Variants in PRKG1 observed in about 807,000 individuals in gnomAD.
PRKG1 encodes the protein cGMP-dependent protein kinase 1.
In PRKG1, 35 loss-of-function variants were observed where a neutral mutation model predicts 88.1. The ratio of observed to expected loss-of-function variants is 0.40; its 90% CI spans 0.30 to 0.53. The LOEUF is 0.53. Ranked by LOEUF, PRKG1 falls within the 20% of genes least tolerant of loss-of-function variation. The pLI, the probability that PRKG1 is intolerant of heterozygous loss-of-function variation, is 0.59. For missense variants in PRKG1, 540 were observed against 839.8 expected, an observed-to-expected ratio of 0.64 and a Z score of 4.41; for synonymous variants, 303 against 292.5, an observed-to-expected ratio of 1.04 and a Z score of -0.37.
intron 2 of PRKG1, among the ~76,000 whole-genome samples, chr10:51,356,162 A>C (rs1842361768): frequency 6.6e-6 from 1 of 151,470 alleles, no homozygotes; most frequent in Non-Finnish European, 1.5e-5. Context: ...GATCACTGTA[A>C]AGGAAAACAG....
chr10:51,140,639 T>G (rs1564615486), intron 1 of PRKG1, among the ~76,000 whole-genome samples: 1 of 152,198 alleles, frequency 6.6e-6, no homozygotes, highest in Non-Finnish European at 1.5e-5. Flanking sequence ...AAGGCTGTCT[T>G]CTGTGTAGCT....
At chr10:51,703,156 T>C (rs1841515348) in intron 3 of PRKG1, among the ~76,000 whole-genome samples, 1 of 152,198 alleles carries the variant, frequency 6.6e-6, no homozygotes, top group Admixed American at 6.5e-5. Flanking sequence ...TTGGCAAAAA[T>C]ATCATGCTTA....
intron 2 of PRKG1, among the ~76,000 whole-genome samples, chr10:51,221,772 A>G (rs965503513): frequency 6.6e-6 from 1 of 152,100 alleles, no homozygotes; most frequent in Non-Finnish European, 1.5e-5. Context: ...ATCTAGTCCA[A>G]CCAGCAGTGC....
chr10:51,318,870 C>T (rs1841386008), intron 2 of PRKG1, among the ~76,000 whole-genome samples: 3 of 152,164 alleles, frequency 2.0e-5, no homozygotes, highest in Admixed American at 6.5e-5. Context: ...TTCTTCCCTT[C>T]ATTTTGTTGA....
chr10:52,184,312 T>C (rs1490502481), intron 9 of PRKG1, among the ~76,000 whole-genome samples: 1 of 152,214 alleles, frequency 6.6e-6, no homozygotes, highest in East Asian at 1.9e-4. Context: ...CCTATGATTT[T>C]ATAAGTAATT....
intron 4 of PRKG1, among the ~76,000 whole-genome samples, chr10:51,873,018 T>C (rs1162462853): frequency 6.6e-6 from 1 of 152,172 alleles, no homozygotes; most frequent in Non-Finnish European, 1.5e-5. Flanking sequence ...ATCTGCACCA[T>C]TTGTTTTAGG....
At chr10:51,726,981 A>G (rs1842148071) in intron 3 of PRKG1, among the ~76,000 whole-genome samples, 1 of 151,794 alleles carries the variant, frequency 6.6e-6, no homozygotes, top group Non-Finnish European at 1.5e-5. Context: ...GGGTTTCACC[A>G]TATTAGCCAA....
At chr10:52,163,117 T>C (rs1000407904) in intron 9 of PRKG1, among the ~76,000 whole-genome samples, 1 of 142,358 alleles carries the variant, frequency 7.0e-6, no homozygotes, top group Non-Finnish European at 1.5e-5. Context: ...GTTTTTAAAG[T>C]TGTACAATGG....
At chr10:51,104,017 T>C (rs561422637) in intron 1 of PRKG1, among the ~76,000 whole-genome samples, 86 of 152,324 alleles carry the variant, frequency 5.6e-4, no homozygotes, top group African/African-American at 2.0e-3. Flanking sequence ...TCACCACATT[T>C]GATATTTCAT....
intron 9 of PRKG1, among the ~76,000 whole-genome samples, chr10:52,192,583 T>A (rs571325138): frequency 6.6e-6 from 1 of 152,074 alleles, no homozygotes; most frequent in African/African-American, 2.4e-5. Context: ...TTTCCACCTA[T>A]GTTCATAAAG....
intron 5 of PRKG1, among the ~76,000 whole-genome samples, chr10:51,923,171 T>G (rs1219172796): frequency 6.6e-6 from 1 of 152,066 alleles, no homozygotes; most frequent in Admixed American, 6.6e-5. Flanking sequence ...TGATAACTTT[T>G]CTTGCTGTGA....
At chr10:51,165,023 A>G (rs1023688780) in intron 2 of PRKG1, among the ~76,000 whole-genome samples, 28 of 152,312 alleles carry the variant, frequency 1.8e-4, no homozygotes, top group Non-Finnish European at 2.1e-4. Context: ...GCAGGCCAAC[A>G]TTCAGATTCA....
At chr10:51,045,559 C>T (rs1232636854) in intron 1 of PRKG1, among the ~76,000 whole-genome samples, 1 of 152,160 alleles carries the variant, frequency 6.6e-6, no homozygotes, top group Non-Finnish European at 1.5e-5. Flanking sequence ...CTCTTGACCT[C>T]TGGTGATCCG....
chr10:52,207,683 C>A (rs545350425), intron 9 of PRKG1, among the ~76,000 whole-genome samples: 1 of 152,282 alleles, frequency 6.6e-6, no homozygotes, highest in South Asian at 2.1e-4. Context: ...TGTGGGATCT[C>A]CTGCAGCTGA....
intron 4 of PRKG1, among the ~76,000 whole-genome samples, chr10:51,899,314 A>G (rs1458843507): frequency 6.6e-6 from 1 of 152,124 alleles, no homozygotes; most frequent in Non-Finnish European, 1.5e-5. Flanking sequence ...TAAACATATT[A>G]TATTGTAACA....
intron 7 of PRKG1, among the ~76,000 whole-genome samples, chr10:52,093,787 A>G (rs1362448333): frequency 6.6e-6 from 1 of 152,146 alleles, no homozygotes; most frequent in Non-Finnish European, 1.5e-5. Flanking sequence ...AAGAAACCCA[A>G]CTGTTATATA....
At chr10:51,947,960 A>G (rs1316335942) in intron 5 of PRKG1, among the ~76,000 whole-genome samples, 1 of 152,238 alleles carries the variant, frequency 6.6e-6, no homozygotes, top group Non-Finnish European at 1.5e-5. Flanking sequence ...GGACACCGTC[A>G]TTAATAAATT....
chr10:51,188,357 T>C (rs1380319791), intron 2 of PRKG1, among the ~76,000 whole-genome samples: 1 of 151,994 alleles, frequency 6.6e-6, no homozygotes, highest in Non-Finnish European at 1.5e-5. Context: ...TATACCACAA[T>C]TATAGGCTAC....
At chr10:52,279,278 T>C (rs147099517) in intron 12 of PRKG1, among the ~76,000 whole-genome samples, 13 of 152,304 alleles carry the variant, frequency 8.5e-5, no homozygotes, top group South Asian at 8.3e-4. Flanking sequence ...ATCATTTGTT[T>C]CCTCATATGG....
Sources: gnomAD v4.1 joint callset for allele counts (sites outside exome capture counted in the v4.1 genomes callset) on GRCh38, gnomAD v4.1.1 for gene constraint, MANE v1.5 for transcripts, NCBI Gene and HGNC (gene_info 2026-07-23, HGNC 2026-07-21) for gene names.